Variants in LRMDA observed in about 807,000 individuals in gnomAD.
LRMDA encodes the protein leucine-rich melanocyte differentiation-associated protein.
Under a neutral mutation model 29.8 loss-of-function variants are expected in LRMDA, and 18 were observed. The observed-to-expected ratio is 0.60, with a 90% confidence interval of 0.42 to 0.90. The LOEUF is 0.90. Among genes scored for constraint, LRMDA ranks in the 40% least tolerant of loss-of-function variants. The pLI is 0.00. For synonymous variants in LRMDA, 125 were observed against 109.4 expected (o/e 1.14, Z -0.89); for missense variants, 273 against 273.9 (o/e 1.00, Z 0.02).
chr10:75,752,828 C>T lies in LRMDA; in HGVS notation c.132-283180C>T, dbSNP rs369548982. 1.1e-4 allele frequency among the ~76,000 whole-genome samples: 16 copies of T among 152,260 alleles called. No individual in the cohort carries two copies. In the East Asian group the frequency reaches 2.9e-3, roughly 28 times the overall value. ...CTACTTTTTGTTTAAGGGTTTGTTGCTACTGGGTTTGTCTTGGTTGAATTT... is the reference window on the plus strand; with the variant it reads ...CTACTTTTTGTTTAAGGGTTTGTTGTTACTGGGTTTGTCTTGGTTGAATTT... On this transcript the variant is annotated intron_variant, in intron 2 of 6. Coordinates refer to ENST00000611255, the MANE Select transcript of LRMDA (RefSeq NM_001305581.2).
At chr10:75,850,316 T>C (rs1844710876) in intron 2 of LRMDA, among the ~76,000 whole-genome samples, 1 of 152,244 alleles carries the variant, frequency 6.6e-6, no homozygotes, top group South Asian at 2.1e-4. Flanking sequence ...GTAGGGCTAT[T>C]GTGAAAATTG....
intron 2 of LRMDA, among the ~76,000 whole-genome samples, chr10:75,446,607 A>G (rs781186512): frequency 3.3e-5 from 5 of 152,244 alleles, no homozygotes; most frequent in Admixed American, 1.3e-4. Flanking sequence ...GAATGAGTAT[A>G]ACCCTTTGCT....
chr10:76,040,365 C>T (rs760553231), intron 3 of LRMDA, among the ~76,000 whole-genome samples: 1 of 152,196 alleles, frequency 6.6e-6, no homozygotes, highest in Non-Finnish European at 1.5e-5. Flanking sequence ...CCTGCTGGAC[C>T]TCCCATCTTT....
chr10:75,663,600 G>A (rs919057493), intron 2 of LRMDA, among the ~76,000 whole-genome samples: 12 of 152,176 alleles, frequency 7.9e-5, no homozygotes, highest in African/African-American at 2.9e-4. Flanking sequence ...CCTGAGCAGG[G>A]TGTCTGCCTT....
chr10:76,074,085 T>C (rs61862706), intron 5 of LRMDA, among the ~76,000 whole-genome samples: 7 of 152,292 alleles, frequency 4.6e-5, no homozygotes, highest in African/African-American at 1.7e-4. Flanking sequence ...GAAAAGAAGA[T>C]TACAAGCTGG....
chr10:75,457,403 G>A (rs909991150), intron 2 of LRMDA, among the ~76,000 whole-genome samples: 1 of 152,224 alleles, frequency 6.6e-6, no homozygotes, highest in Non-Finnish European at 1.5e-5. Context: ...GGATGTAGAA[G>A]TTGGCCATGC....
intron 5 of LRMDA, among the ~76,000 whole-genome samples, chr10:76,245,487 C>A (rs1254577466): frequency 6.6e-6 from 1 of 152,098 alleles, no homozygotes; most frequent in Non-Finnish European, 1.5e-5. Flanking sequence ...ACATTCTGAT[C>A]AATTCATTGA....
intron 2 of LRMDA, among the ~76,000 whole-genome samples, chr10:75,549,621 A>T (rs1160152719): frequency 6.6e-6 from 1 of 152,108 alleles, no homozygotes; most frequent in South Asian, 2.1e-4. Context: ...GCTTCAGGTT[A>T]TTTTTTATTT....
At chr10:75,470,791 C>T (rs945117503) in intron 2 of LRMDA, among the ~76,000 whole-genome samples, 2 of 152,144 alleles carry the variant, frequency 1.3e-5, no homozygotes, top group African/African-American at 4.8e-5. Context: ...GGGTCCTCTC[C>T]GAGGAGAAGG....
chr10:75,490,025 A>G (rs892879366), intron 2 of LRMDA, among the ~76,000 whole-genome samples: 3 of 152,178 alleles, frequency 2.0e-5, no homozygotes, highest in South Asian at 4.1e-4. Context: ...TAATGATTAT[A>G]GCAGTTACTG....
intron 2 of LRMDA, among the ~76,000 whole-genome samples, chr10:75,761,848 G>T (rs747700033): frequency 2.1e-5 from 3 of 144,672 alleles, no homozygotes; most frequent in Non-Finnish European, 4.5e-5. Context: ...CTGTCACCCA[G>T]GCTGGAATGC....
At chr10:76,154,037 G>A (rs1850494416) in intron 5 of LRMDA, among the ~76,000 whole-genome samples, 1 of 152,214 alleles carries the variant, frequency 6.6e-6, no homozygotes, top group Non-Finnish European at 1.5e-5. Context: ...ATATAGATAT[G>A]ACACATTTGC....
chr10:76,289,560 C>T lies in LRMDA; in HGVS notation c.517-34841C>T, dbSNP rs11812099. On this transcript the variant is annotated intron_variant, in intron 5 of 6. Transcript: ENST00000611255. ...TATTAGGAAGAGTTATCTAATAAAA[C>T]GCATTGTCTAATCTCCCTATTACAG... Among the ~76,000 whole-genome samples the T allele has an allele frequency of 5.6e-3, 851 of 152,174 alleles. 11 individuals are homozygous for T. The highest frequency in any genetic ancestry group is 0.019 in the African/African-American group (776 of 41,502).
chr10:76,000,350 T>A (rs1847540869), intron 2 of LRMDA, among the ~76,000 whole-genome samples: 2 of 152,188 alleles, frequency 1.3e-5, no homozygotes. Flanking sequence ...CGGTGTCTCC[T>A]GGGAGCCATC....
chr10:76,388,414 G>T (rs1415766957), intron 6 of LRMDA, among the ~76,000 whole-genome samples: 4 of 152,302 alleles, frequency 2.6e-5, no homozygotes, highest in Admixed American at 6.5e-5. Context: ...GACTGGAAAT[G>T]GGAATGATCT....
intron 2 of LRMDA, among the ~76,000 whole-genome samples, chr10:75,610,658 G>A (rs1199666759): frequency 6.6e-6 from 1 of 152,182 alleles, no homozygotes; most frequent in African/African-American, 2.4e-5. Context: ...ATGTTCGGGT[G>A]GCAGAGGCAG....
chr10:76,258,719 T>C (rs1378648104), intron 5 of LRMDA, among the ~76,000 whole-genome samples: 1 of 152,202 alleles, frequency 6.6e-6, no homozygotes, highest in African/African-American at 2.4e-5. Flanking sequence ...GGTGTTTAGT[T>C]AGTTCTGTTC....
chr10:75,611,365 A>G (rs1462918699), intron 2 of LRMDA, among the ~76,000 whole-genome samples: 1 of 152,108 alleles, frequency 6.6e-6, no homozygotes, highest in Admixed American at 6.5e-5. Context: ...TTTTATTGTA[A>G]TAAAATTTAC....
At chr10:75,915,009 G>A (rs1341272256) in intron 2 of LRMDA, among the ~76,000 whole-genome samples, 1 of 151,428 alleles carries the variant, frequency 6.6e-6, no homozygotes. Context: ...CTTGTTATCT[G>A]ACTGGATTAA....
Sources: gnomAD v4.1 joint callset for allele counts (sites outside exome capture counted in the v4.1 genomes callset) on GRCh38, gnomAD v4.1.1 for gene constraint, MANE v1.5 for transcripts, NCBI Gene and HGNC (gene_info 2026-07-23, HGNC 2026-07-21) for gene names.